The following DBF4B variants were observed in gnomAD, a reference collection of about 807,000 sequenced individuals.
DBF4B encodes the protein protein DBF4 homolog B.
DBF4B carries 49 observed loss-of-function variants against 53.4 expected under a neutral mutation model. That is an observed-to-expected ratio of 0.92 (90% confidence interval 0.73 to 1.16). The LOEUF (loss-of-function observed/expected upper bound fraction) is 1.16, where lower values mean the gene tolerates loss of function less well. Among genes scored for constraint, DBF4B ranks in the 50% most tolerant of loss-of-function variants. DBF4B has a pLI of 0.00. For missense variants in DBF4B, 692 were observed against 775.0 expected (o/e 0.89, Z 1.27); for synonymous variants, 257 against 288.7 (o/e 0.89, Z 1.11).
At chr17:44,717,109 C>G (rs1243401957) in intron 2 of DBF4B, among the ~76,000 whole-genome samples, 1 of 152,088 alleles carries the variant, frequency 6.6e-6, no homozygotes, top group Non-Finnish European at 1.5e-5. Context: ...TTTCTTCTCT[C>G]CATTGTTTTT....
chr17:44,734,822 A>G (rs566549589), intron 7 of DBF4B, among the ~76,000 whole-genome samples: 218 of 152,364 alleles, frequency 1.4e-3, no homozygotes, highest in African/African-American at 4.9e-3. Flanking sequence ...TGGATGGAGC[A>G]GCTGGGCATG....
chr17:44,751,435 T>C lies in DBF4B; in HGVS notation c.*182T>C, dbSNP rs1284321425. On this transcript the variant is annotated 3_prime_UTR_variant, in exon 14 of 14. Coordinates refer to ENST00000315005, the MANE Select transcript of DBF4B (RefSeq NM_145663.3). The stretch of plus-strand genomic sequence containing the variant: ...CAGTGGGCATTGCCTTATCTTGCAG[T>C]CAGTCCCTTTTCAACATGTTGCCGT... 1 of 1,424,244 alleles carries C rather than the reference T, an allele frequency of 7.0e-7. No individual in the cohort carries two copies. The highest frequency in any genetic ancestry group is 1.4e-5 in the African/African-American group (1 of 69,542). 88.2% of individuals were successfully genotyped at this position (1,424,244 alleles called of 1,614,324 possible). A position where few individuals can be genotyped will look rare whatever the true frequency, so the allele number is the denominator to read the frequency against.
chr17:44,747,576 G>A, intron 12 of DBF4B, 61 bp downstream of exon 12: 1 of 1,593,544 alleles, frequency 6.3e-7, no homozygotes, highest in Non-Finnish European at 8.5e-7. Flanking sequence ...CCTCTGGGTG[G>A]GAAGAGACCC....
chr17:44,722,792 C>T, intron 2 of DBF4B, 88 bp from the exon 3 acceptor site: 2 of 1,458,290 alleles, frequency 1.4e-6, no homozygotes, highest in African/African-American at 1.4e-5. Context: ...GCTATTATAG[C>T]ACACAGACTG....
chr17:44,714,673 T>C (rs914117491), intron 2 of DBF4B, among the ~76,000 whole-genome samples: 2 of 152,092 alleles, frequency 1.3e-5, no homozygotes, highest in Non-Finnish European at 2.9e-5. Context: ...CATAGCGATA[T>C]ATATTTGCTA....
rs139124661 is a variant in DBF4B, at chr17:44,750,822, A to G, written c.1417A>G (p.Met473Val). 1.5e-5 allele frequency: 25 copies of G among 1,613,922 alleles called. No individual in the cohort carries two copies. Among genetic ancestry groups the G allele is most frequent in the African/African-American group, 2.7e-5 (2 of 74,904 alleles). The change falls in exon 14 of 14, where the codon ATG (methionine) becomes GTG (valine). Residue 473 changes from methionine to valine, a missense_variant. Physicochemically the swap from Met to Val is conservative, Grantham distance 21. Transcript: ENST00000315005. ...LPGEWSPAED[M>V]PLHPSQENSF... The stretch of plus-strand genomic sequence containing the variant: ...TGGGGAGTGGTCGCCTGCAGAGGAC[A>G]TGCCCCTCCATCCCTCCCAAGAAAA...
chr17:44,717,052 A>C (rs754207862), intron 2 of DBF4B, among the ~76,000 whole-genome samples: 2 of 152,128 alleles, frequency 1.3e-5, no homozygotes, highest in African/African-American at 4.8e-5. Context: ...TCTTGTATTC[A>C]TCTTCCACAT....
At chr17:44,710,325 C>T (rs1320276580) in intron 2 of DBF4B, among the ~76,000 whole-genome samples, 1 of 151,914 alleles carries the variant, frequency 6.6e-6, no homozygotes, top group Non-Finnish European at 1.5e-5. Flanking sequence ...CCTTCTGTTT[C>T]TCTGGAGAAC....
At chr17:44,717,445 G>A (rs940832837) in intron 2 of DBF4B, among the ~76,000 whole-genome samples, 16 of 152,084 alleles carry the variant, frequency 1.1e-4, no homozygotes, top group African/African-American at 3.6e-4. Flanking sequence ...GGTGGCTCAC[G>A]CCTGTAATCC....
At chr17:44,748,757 C>T in intron 13 of DBF4B, 2 of 1,337,942 alleles carry the variant, frequency 1.5e-6, no homozygotes, top group Non-Finnish European at 2.0e-6. Context: ...GCCTCCTGGC[C>T]ACAGGCTTCA....
At position 44,708,816 on chromosome 17, in the gene DBF4B, A is replaced by G. The variant is rs1043972891; in HGVS notation, c.-5A>G. The stretch of plus-strand genomic sequence containing the variant: ...GTACGGAGGCCGAGAAGGAGCCGGC[A>G]TTTGATGAGCGAACCGGGAAAGGGT... On this transcript the variant is annotated 5_prime_UTR_variant, in exon 1 of 14. Transcript: ENST00000315005. 151 of 1,551,482 alleles carry G rather than the reference A, an allele frequency of 9.7e-5. No individual in the cohort carries two copies. The highest frequency in any genetic ancestry group is 1.2e-4 in the Non-Finnish European group (142 of 1,147,016).
chr17:44,732,050 C>T, intron 5 of DBF4B, 128 bp from the exon 6 acceptor site: 1 of 806,198 alleles, frequency 1.2e-6, no homozygotes, highest in Non-Finnish European at 2.0e-6. Context: ...TACTCTCTCT[C>T]CTACCTGCCT....
Position 44,708,729 on chromosome 17 carries a change from C to CTG in DBF4B, c.-89_-88dup. On this transcript the variant is annotated 5_prime_UTR_variant, in exon 1 of 14. Transcript: ENST00000315005. ...TGTAGCTGCCCTGAGATAACCAGGA[C>CTG]TGTGGAATCGGGAAGAGCTCATGGA... 6.8e-7 allele frequency: 1 copy of CTG among 1,465,048 alleles called. No individual in the cohort carries two copies. The highest frequency in any genetic ancestry group is 2.5e-5 in the East Asian group (1 of 39,818). 90.8% of individuals were successfully genotyped at this position (1,465,048 alleles called of 1,614,324 possible). A position where few individuals can be genotyped will look rare whatever the true frequency, so the allele number is the denominator to read the frequency against.
At chr17:44,726,458 C>T (rs568518601) in intron 3 of DBF4B, among the ~76,000 whole-genome samples, 5 of 151,202 alleles carry the variant, frequency 3.3e-5, no homozygotes, top group South Asian at 4.2e-4. Context: ...GACAGGGTCT[C>T]GCTGTGTTGG....
chr17:44,742,496 A>G (rs1976165310), intron 10 of DBF4B, among the ~76,000 whole-genome samples: 1 of 151,966 alleles, frequency 6.6e-6, no homozygotes, highest in Admixed American at 6.6e-5. Context: ...CAGGACAATC[A>G]TTTGAGCCCA....
At chr17:44,718,677 G>A (rs117755952) in intron 2 of DBF4B, among the ~76,000 whole-genome samples, 1,543 of 152,094 alleles carry the variant, frequency 0.01, 22 homozygotes, top group South Asian at 0.027. Flanking sequence ...CATTAACTTC[G>A]ATCCCTTGAT....
Position 44,751,318 on chromosome 17 carries a change from T to C in DBF4B, c.*65T>C, listed in dbSNP as rs867502011. 2.4e-5 allele frequency: 37 copies of C among 1,543,600 alleles called. No individual in the cohort carries two copies. The highest frequency in any genetic ancestry group is 1.8e-4 in the Middle Eastern group (1 of 5,636). On this transcript the variant is annotated 3_prime_UTR_variant, in exon 14 of 14. Coordinates refer to ENST00000315005, the MANE Select transcript of DBF4B (RefSeq NM_145663.3). ...TGGGTGCTGCTTGATGTGAATGAGG[T>C]CCCGCAGTGGCTCCTTGGCGTGAGC...
intron 3 of DBF4B, among the ~76,000 whole-genome samples, chr17:44,729,303 G>A (rs1007855869): frequency 4.6e-5 from 7 of 150,628 alleles, no homozygotes; most frequent in African/African-American, 1.5e-4. Flanking sequence ...CTGGGCTCAA[G>A]TGATGCTCCT....
intron 2 of DBF4B, among the ~76,000 whole-genome samples, chr17:44,720,937 C>G (rs1973778184): frequency 6.6e-6 from 1 of 151,740 alleles, no homozygotes; most frequent in Middle Eastern, 3.4e-3. Flanking sequence ...TAACTCTTAA[C>G]TCACTGTAAC....
Sources: gnomAD v4.1 joint callset for allele counts (sites outside exome capture counted in the v4.1 genomes callset) on GRCh38, gnomAD v4.1.1 for gene constraint, MANE v1.5 for transcripts, NCBI Gene and HGNC (gene_info 2026-07-23, HGNC 2026-07-21) for gene names.